Variants in ZNF83 observed in about 807,000 individuals in gnomAD.
ZNF83 encodes the protein zinc finger protein 83, also known as zinc finger protein 816B.
For missense variants in ZNF83, 552 were observed against 629.9 expected (o/e 0.88, Z 1.32); for synonymous variants, 209 against 213.0 (o/e 0.98, Z 0.17).
intron 2 of ZNF83, among the ~76,000 whole-genome samples, chr19:52,618,232 C>T (rs1262693164): frequency 6.6e-6 from 1 of 151,832 alleles, no homozygotes; most frequent in African/African-American, 2.4e-5. Flanking sequence ...CCTGGGATTA[C>T]AGACATGTGC....
At chr19:52,655,711 C>T (rs2061495674) in intron 2 of ZNF83, 2 of 920,626 alleles carry the variant, frequency 2.2e-6, no homozygotes, top group Non-Finnish European at 3.5e-6. Context: ...CACATTTCAA[C>T]AAAACATTAG....
intron 1 of ZNF83, among the ~76,000 whole-genome samples, chr19:52,679,395 G>T (rs1242151548): frequency 6.6e-6 from 1 of 152,214 alleles, no homozygotes; most frequent in African/African-American, 2.4e-5. Context: ...TGGGTCACCT[G>T]TGGTCAGGAG....
chr19:52,652,368 G>A (rs780035806), intron 3 of ZNF83: 14 of 313,938 alleles, frequency 4.5e-5, no homozygotes, highest in Non-Finnish European at 7.4e-5. Flanking sequence ...CTGGGAGGTG[G>A]AGGTTGCCGT....
At chr19:52,661,399 C>G (rs1447988894) in intron 1 of ZNF83, among the ~76,000 whole-genome samples, 1 of 152,144 alleles carries the variant, frequency 6.6e-6, no homozygotes, top group Admixed American at 6.5e-5. Flanking sequence ...GGACACAGAT[C>G]TGGCCCTAAC....
chr19:52,659,096 G>A (rs1189775609), intron 2 of ZNF83, among the ~76,000 whole-genome samples: 2 of 152,070 alleles, frequency 1.3e-5, no homozygotes, highest in East Asian at 1.9e-4. Flanking sequence ...GCAGACCCCC[G>A]CAGCTAATGC....
exon 3 of ZNF83, chr19:52,612,678 C>G (rs1159166731): frequency 3.8e-6 from 1 of 265,548 alleles, no homozygotes; most frequent in Non-Finnish European, 7.1e-6. Flanking sequence ...TAATGGTTTC[C>G]CACTCTCAGT....
chr19:52,645,010 T>TAA (rs35106617), intron 3 of ZNF83, among the ~76,000 whole-genome samples: 167 of 111,136 alleles, frequency 1.5e-3, no homozygotes, highest in African/African-American at 3.0e-3. Context: ...AACTCCATCT[T>TAA]AAAAAAAAAA....
At chr19:52,653,977 T>C (rs775966265) in intron 3 of ZNF83, 154 of 1,392,912 alleles carry the variant, frequency 1.1e-4, no homozygotes, top group Non-Finnish European at 1.5e-4. Context: ...CCCATACCTA[T>C]TAGAAATATG....
At chr19:52,631,397 A>C (rs1049560079) in intron 2 of ZNF83, among the ~76,000 whole-genome samples, 5 of 152,172 alleles carry the variant, frequency 3.3e-5, no homozygotes, top group Non-Finnish European at 7.4e-5. Flanking sequence ...TTACTGTTTT[A>C]GGCTGGCCAT....
At chr19:52,629,607 A>G (rs1211715775) in intron 2 of ZNF83, among the ~76,000 whole-genome samples, 2 of 152,120 alleles carry the variant, frequency 1.3e-5, no homozygotes, top group East Asian at 3.9e-4. Flanking sequence ...TTTACTCTTA[A>G]AAAGGTGGCT....
chr19:52,612,709 T>C, exon 3 of ZNF83: 1 of 340,170 alleles, frequency 2.9e-6, no homozygotes. Flanking sequence ...CTCTCAAGCA[T>C]GAATTTTTGC....
upstream of ZNF83, among the ~76,000 whole-genome samples, chr19:52,641,308 C>T (rs1437086362): frequency 6.6e-6 from 1 of 152,130 alleles, no homozygotes; most frequent in Non-Finnish European, 1.5e-5. Flanking sequence ...ACAGACTGAG[C>T]GTCTGCCTCA....
At chr19:52,675,133 T>C (rs2061781275) in intron 1 of ZNF83, among the ~76,000 whole-genome samples, 1 of 152,202 alleles carries the variant, frequency 6.6e-6, no homozygotes, top group Non-Finnish European at 1.5e-5. Flanking sequence ...AAGTTCAGAA[T>C]CTGTACTATA....
upstream of ZNF83, among the ~76,000 whole-genome samples, chr19:52,639,422 T>TC (rs201064497): frequency 7.7e-3 from 1,081 of 140,014 alleles, 25 homozygotes; most frequent in Non-Finnish European, 9.1e-3. Context: ...TCTATTTTTT[T>TC]TTTTTTTTTT....
At position 52,612,972 on chromosome 19, in the gene ZNF83, A is replaced by G. The variant is rs761459864; in HGVS notation, c.*42T>C. On this transcript the variant is annotated 3_prime_UTR_variant, in exon 3 of 3. Transcript: ENST00000301096. ...GTTTTTCTCCAGTATAAATTATTGTATGTCTTACAAGGCTTTAATGCTAAC... is the reference window on the plus strand; with the variant it reads ...GTTTTTCTCCAGTATAAATTATTGTGTGTCTTACAAGGCTTTAATGCTAAC... 8 of 1,483,822 alleles carry G rather than the reference A, an allele frequency of 5.4e-6. No individual in the cohort carries two copies. In the African/African-American group the frequency reaches 9.8e-5, roughly 18 times the overall value. The allele number at this position is 1,483,822 out of a possible 1,614,324, so 91.9% of individuals were successfully genotyped here.
At chr19:52,630,958 A>C (rs61486719) in intron 2 of ZNF83, among the ~76,000 whole-genome samples, 18,237 of 148,578 alleles carry the variant, frequency 0.12, 1,145 homozygotes, top group South Asian at 0.22. Flanking sequence ...CCATGGTGCC[A>C]AACCCATATA....
At chr19:52,656,772 A>C (rs1283806837) in intron 2 of ZNF83, among the ~76,000 whole-genome samples, 1 of 151,898 alleles carries the variant, frequency 6.6e-6, no homozygotes, top group Non-Finnish European at 1.5e-5. Flanking sequence ...AGGCTGAGGC[A>C]GAAGAATCAC....
intron 2 of ZNF83, among the ~76,000 whole-genome samples, chr19:52,632,023 G>GA (rs1214092992): frequency 5.3e-5 from 8 of 152,142 alleles, no homozygotes; most frequent in Non-Finnish European, 1.2e-4. Flanking sequence ...CCCTGAGTCA[G>GA]GAACTAAAAT....
intron 1 of ZNF83, among the ~76,000 whole-genome samples, chr19:52,685,123 C>T (rs899395172): frequency 6.6e-6 from 1 of 152,138 alleles, no homozygotes; most frequent in African/African-American, 2.4e-5. Context: ...TACAACTGGG[C>T]ACTCCCCTCT....
Sources: gnomAD v4.1 joint callset for allele counts (sites outside exome capture counted in the v4.1 genomes callset) on GRCh38, gnomAD v4.1.1 for gene constraint, MANE v1.5 for transcripts, NCBI Gene and HGNC (gene_info 2026-07-23, HGNC 2026-07-21) for gene names.